The following MMAB variants were observed in gnomAD, a reference collection of about 807,000 sequenced individuals.
MMAB encodes corrinoid adenosyltransferase MMAB.
In MMAB, 17 loss-of-function variants were observed where a neutral mutation model predicts 30.6. That is an observed-to-expected ratio of 0.56 (90% CI 0.38 to 0.83). The LOEUF is 0.83. MMAB is among the 40% of genes least tolerant of loss of function. MMAB has a pLI of 0.00. For synonymous variants in MMAB, 134 were observed against 138.6 expected, an observed-to-expected ratio of 0.97 and a Z score of 0.23; for missense variants, 311 against 331.6, an observed-to-expected ratio of 0.94 and a Z score of 0.48.
Position 109,568,829 on chromosome 12 carries a change from G to C in MMAB, c.231C>G (p.Pro77=). 1 of 1,613,892 alleles carries C rather than the reference G, an allele frequency of 6.2e-7. No homozygotes were observed. Among genetic ancestry groups the C allele is most frequent in the Non-Finnish European group, 8.5e-7 (1 of 1,179,976 alleles). Residue 77 remains proline (P), a synonymous_variant, in exon 3 of 9, where the codon CCC becomes CCG. Transcript: ENST00000545712. Reference sequence around the variant, plus strand: ...CGGCTTCAAACACTTGGTCATCTTTGGGTCTCCTTTCTCCTGTGAAGGTAC... The same window carrying C: ...CGGCTTCAAACACTTGGTCATCTTTCGGTCTCCTTTCTCCTGTGAAGGTAC... The part of the protein sequence containing the change: ...FSSTFTGERR[P]KDDQVFEAVG...
chr12:109,561,634 A>G lies in MMAB; in HGVS notation c.422-117T>C. ...TCCCGCAGACTGCTTCCACTGGCTC[A>G]GAAGGTACCTTCCCTCCCAGGAGCT... On this transcript the variant is annotated intron_variant, in intron 5 of 8. Transcript: ENST00000545712. This position sits in a 1 kb window ranked among gnomAD's most constrained non-coding sequence, Gnocchi z 5.3. 1 of 1,217,330 alleles carries G rather than the reference A, an allele frequency of 8.2e-7. No homozygotes were observed. Among genetic ancestry groups the G allele is most frequent in the Non-Finnish European group, 1.2e-6 (1 of 851,110 alleles). 75.4% of individuals were successfully genotyped at this position (1,217,330 alleles called of 1,614,324 possible).
At chr12:109,571,441 G>A (rs2136210581) in intron 2 of MMAB, among the ~76,000 whole-genome samples, 1 of 152,146 alleles carries the variant, frequency 6.6e-6, no homozygotes, top group South Asian at 2.1e-4. Flanking sequence ...TAGTAGAGAT[G>A]GGGTTTCACC....
Position 109,553,906 on chromosome 12 carries a change from A to G in MMAB, c.*3122T>C, listed in dbSNP as rs1883877457. On this transcript the variant is annotated 3_prime_UTR_variant, in exon 9 of 9. Coordinates refer to ENST00000545712, the MANE Select transcript of MMAB (RefSeq NM_052845.4). ...ACTGACGGGGGCTTCCGAACTGGGG[A>G]CGTTTGTCATTGGGATGTGTTACAA... 1 of 453,888 alleles carries G rather than the reference A, an allele frequency of 2.2e-6. No homozygotes were observed. The highest frequency in any genetic ancestry group is 4.4e-6 in the Non-Finnish European group (1 of 226,780). The allele number at this position is 453,888 out of a possible 1,614,324, so 28.1% of individuals were successfully genotyped here.
At position 109,564,286 on chromosome 12, in the gene MMAB, G is replaced by A. The variant is rs541269042; in HGVS notation, c.348+833C>T. Among the ~76,000 whole-genome samples the A allele has an allele frequency of 6.6e-5, 10 of 152,012 alleles. 2 individuals carry two copies. The South Asian group carries it at 1.9e-3, about 28-fold the overall frequency. On this transcript the variant is annotated intron_variant, in intron 4 of 8. Coordinates refer to ENST00000545712, the MANE Select transcript of MMAB (RefSeq NM_052845.4). ...GCAGAATGGCCCTGGGTTGAGAACCGTTGCATTTTAAATTCCCTCATTTAG... is the reference window on the plus strand; with the variant it reads ...GCAGAATGGCCCTGGGTTGAGAACCATTGCATTTTAAATTCCCTCATTTAG...
chr12:109,561,790 C>A lies in MMAB; in HGVS notation c.411G>T (p.Glu137Asp). ...GAGTTTGAGAATTACTTAAGTGAGC[C>A]TCCCGGGCCGAGGAGCATGGTGTCG... Reference protein sequence around the residue: ...ALATPCSSAREAHLKYTTFKA... With the variant: ...ALATPCSSARDAHLKYTTFKA... The change falls in exon 5 of 9, where the codon GAG becomes GAT. Residue 137 changes from glutamate to aspartate, a missense_variant. Physicochemically the swap from Glu to Asp is conservative, Grantham distance 45. Transcript: ENST00000545712. This position sits in a 1 kb window ranked among gnomAD's most constrained non-coding sequence, Gnocchi z 5.3. 6.2e-7 allele frequency: 1 copy of A among 1,608,458 alleles called. No individual in the cohort carries two copies.
In MMAB at chr12:109,554,920, G is replaced by A; in HGVS notation, c.*2108C>T. The stretch of plus-strand genomic sequence containing the variant: ...TGCCCTGCACCCAGGTGGTTTCTCA[G>A]AGAAGTGTTTGCTGGTGAACCGGGA... On this transcript the variant is annotated 3_prime_UTR_variant, in exon 9 of 9. Coordinates refer to ENST00000545712, the MANE Select transcript of MMAB (RefSeq NM_052845.4). The A allele has an allele frequency of 2.2e-6, 1 of 454,188 alleles. No individual in the cohort carries two copies. The highest frequency in any genetic ancestry group is 4.4e-6 in the Non-Finnish European group (1 of 226,806). 28.1% of individuals were successfully genotyped at this position (454,188 alleles called of 1,614,324 possible).
chr12:109,571,855 T>C, intron 1 of MMAB, 145 bp from the exon 2 acceptor site: 1 of 727,512 alleles, frequency 1.4e-6, no homozygotes, highest in Non-Finnish European at 2.5e-6. Context: ...CTTGTTGATT[T>C]CTTTCCCCTA....
At position 109,554,941 on chromosome 12, in the gene MMAB, C is replaced by T. The variant is rs530605032; in HGVS notation, c.*2087G>A. The T allele has an allele frequency of 2.0e-5, 9 of 454,074 alleles. No homozygotes were observed. Among genetic ancestry groups the T allele is most frequent in the African/African-American group, 1.0e-4 (5 of 50,100 alleles). The allele number at this position is 454,074 out of a possible 1,614,324, so 28.1% of individuals were successfully genotyped here. On this transcript the variant is annotated 3_prime_UTR_variant, in exon 9 of 9. Coordinates refer to ENST00000545712, the MANE Select transcript of MMAB (RefSeq NM_052845.4). ...CTCAGAGAAGTGTTTGCTGGTGAAC[C>T]GGGAGACAGATACAGAGGCGGGGGT...
At position 109,561,210 on chromosome 12, in the gene MMAB, C is replaced by G. The variant is rs1292554352; in HGVS notation, c.520-106G>C. 6.3e-6 allele frequency: 10 copies of G among 1,596,154 alleles called. No homozygotes were observed. The highest frequency in any genetic ancestry group is 8.5e-6 in the Non-Finnish European group (10 of 1,177,714). ...CCTGCCCCCCAAACCGGGCAGTGTT[C>G]TGCCTCCAGGAGCCCTGCCACGGCA... On this transcript the variant is annotated intron_variant, in intron 6 of 8. Transcript: ENST00000545712. The surrounding 1 kb of genome is among the most constrained non-coding windows in gnomAD (Gnocchi z 5.3).
In MMAB at chr12:109,554,310, T is replaced by C; in HGVS notation, c.*2718A>G. 2.2e-6 allele frequency: 1 copy of C among 454,052 alleles called. No individual in the cohort carries two copies. The highest frequency in any genetic ancestry group is 4.4e-6 in the Non-Finnish European group (1 of 226,772). The allele number at this position is 454,052 out of a possible 1,614,324, so 28.1% of individuals were successfully genotyped here. A position where few individuals can be genotyped will look rare whatever the true frequency, so the allele number is the denominator to read the frequency against. On this transcript the variant is annotated 3_prime_UTR_variant, in exon 9 of 9. Coordinates refer to ENST00000545712, the MANE Select transcript of MMAB (RefSeq NM_052845.4). Reference sequence around the variant, plus strand: ...GTGCGGGCTGGTGTCACTGTGACTGTGGGCTTCTCTCTGACACAAGAGCCA... The same window carrying C: ...GTGCGGGCTGGTGTCACTGTGACTGCGGGCTTCTCTCTGACACAAGAGCCA...
rs985601846 is a variant in MMAB at position 109,558,932 on chromosome 12, G to A, written c.644+164C>T. On this transcript the variant is annotated intron_variant, in intron 8 of 8. Transcript: ENST00000545712. The surrounding 1 kb of genome is among the most constrained non-coding windows in gnomAD (Gnocchi z 4.3). ...GTTCACCACTGCCTCCCCTGTGCCCGGCGTGGTGCCTGGCACAGAGCAGAT... is the reference window on the plus strand; with the variant it reads ...GTTCACCACTGCCTCCCCTGTGCCCAGCGTGGTGCCTGGCACAGAGCAGAT... Among the ~76,000 whole-genome samples, 22 of 152,134 alleles carry A rather than the reference G, an allele frequency of 1.4e-4. No individual in the cohort carries two copies. The highest frequency in any genetic ancestry group is 5.9e-4 in the Admixed American group (9 of 15,284).
chr12:109,570,740 G>A (rs757543196), intron 2 of MMAB, among the ~76,000 whole-genome samples: 23 of 152,050 alleles, frequency 1.5e-4, no homozygotes, highest in Non-Finnish European at 2.9e-4. Flanking sequence ...CAGGCATGGC[G>A]ATGTGTGCCT....
intron 8 of MMAB, among the ~76,000 whole-genome samples, chr12:109,557,870 A>G (rs996473465): frequency 2.0e-5 from 3 of 152,204 alleles, no homozygotes; most frequent in Admixed American, 2.0e-4. Flanking sequence ...ACCAACAGCA[A>G]TGGTCATCTG....
At position 109,558,317 on chromosome 12, in the gene MMAB, C is replaced by A. The variant is rs952241987; in HGVS notation, c.644+779G>T. On this transcript the variant is annotated intron_variant, in intron 8 of 8. Transcript: ENST00000545712. This position sits in a 1 kb window ranked among gnomAD's most constrained non-coding sequence, Gnocchi z 4.3. ...GAAGGTGAAGTAGACCTGCTCCTCA[C>A]TCCCGGCGAAACCCCCCTCCCAGAA... Among the ~76,000 whole-genome samples, 2 of 152,158 alleles carry A rather than the reference C, an allele frequency of 1.3e-5. No homozygotes were observed. The highest frequency in any genetic ancestry group is 1.3e-4 in the Admixed American group (2 of 15,284).
In MMAB at chr12:109,561,658, C is replaced by G. The variant is rs571075965; in HGVS notation, c.421+122G>C. The G allele has an allele frequency of 4.6e-4, 555 of 1,218,522 alleles. 1 individual carries two copies. Among genetic ancestry groups the G allele is most frequent in the Non-Finnish European group, 6.1e-4 (515 of 849,962 alleles). 75.5% of individuals were successfully genotyped at this position (1,218,522 alleles called of 1,614,324 possible). ...CAGAAGGTACCTTCCCTCCCAGGAG[C>G]TACGAGCAAGGCTAACTGACCCACC... On this transcript the variant is annotated intron_variant, in intron 5 of 8. Transcript: ENST00000545712. This position sits in a 1 kb window ranked among gnomAD's most constrained non-coding sequence, Gnocchi z 5.3.
chr12:109,567,182 AAAAAG>A, intron 3 of MMAB: 1 of 394,932 alleles, frequency 2.5e-6, no homozygotes, highest in Non-Finnish European at 5.0e-6. Flanking sequence ...GAAAAAAAAA[AAAAAG>A]AAGAGTGATA....
chr12:109,563,070 T>A (rs958464991), intron 4 of MMAB, among the ~76,000 whole-genome samples: 6 of 152,224 alleles, frequency 3.9e-5, no homozygotes, highest in African/African-American at 1.4e-4. Flanking sequence ...AGGCTGCCCA[T>A]CCAGCACTGG....
At chr12:109,557,551 A>AGGGCT (rs1001159649) in intron 8 of MMAB, among the ~76,000 whole-genome samples, 1 of 152,094 alleles carries the variant, frequency 6.6e-6, no homozygotes, top group African/African-American at 2.4e-5. Flanking sequence ...CTGACTCAGG[A>AGGGCT]GGGCTGGGCT....
Position 109,558,997 on chromosome 12 carries a change from A to G in MMAB, c.644+99T>C. On this transcript the variant is annotated intron_variant, in intron 8 of 8. Transcript: ENST00000545712. The surrounding 1 kb of genome is among the most constrained non-coding windows in gnomAD (Gnocchi z 4.3). The stretch of plus-strand genomic sequence containing the variant: ...AGGGAATGAAGGAGGGGGTGCGGGA[A>G]TGCTGCCCCACACTGCTTCCCGGAC... 1.2e-6 allele frequency: 1 copy of G among 865,884 alleles called. No homozygotes were observed. The allele number at this position is 865,884 out of a possible 1,614,324, so 53.6% of individuals were successfully genotyped here.
Sources: allele counts gnomAD v4.1 joint callset (sites outside exome capture counted in the v4.1 genomes callset), GRCh38; gene constraint gnomAD v4.1.1; non-coding constraint Gnocchi (gnomAD v3.1); transcripts MANE v1.5; gene names NCBI Gene and HGNC (gene_info 2026-07-23, HGNC 2026-07-21).